The following GRIK1 variants were observed in gnomAD, a reference collection of about 807,000 sequenced individuals.
GRIK1 encodes glutamate receptor ionotropic, kainate 1.
A neutral mutation model predicts 105.7 loss-of-function variants in GRIK1; 69 were observed. The ratio of observed to expected loss-of-function variants is 0.65; its 90% CI spans 0.54 to 0.80. The LOEUF (loss-of-function observed/expected upper bound fraction) is 0.80. GRIK1 is among the 30% of genes least tolerant of loss of function. GRIK1 has a pLI of 0.00. For synonymous variants in GRIK1, 438 were observed against 431.3 expected, an observed-to-expected ratio of 1.02 and a Z score of -0.19; for missense variants, 1,109 against 1,167.3, an observed-to-expected ratio of 0.95 and a Z score of 0.73.
intron 7 of GRIK1, among the ~76,000 whole-genome samples, chr21:29,631,442 C>A (rs956371594): frequency 6.6e-6 from 1 of 152,160 alleles, no homozygotes; most frequent in Non-Finnish European, 1.5e-5. Flanking sequence ...CATCTACAAG[C>A]CAAGAAGAGG....
chr21:29,715,017 G>A (rs929047648), intron 1 of GRIK1, among the ~76,000 whole-genome samples: 1 of 152,206 alleles, frequency 6.6e-6, no homozygotes, highest in Admixed American at 6.5e-5. Context: ...AGGATAAGCA[G>A]TAGTGAATTG....
intron 15 of GRIK1, among the ~76,000 whole-genome samples, chr21:29,560,990 T>A (rs958126025): frequency 6.6e-6 from 1 of 152,146 alleles, no homozygotes; most frequent in African/African-American, 2.4e-5. Context: ...TCTATTCATG[T>A]CTCCTATAGA....
intron 1 of GRIK1, among the ~76,000 whole-genome samples, chr21:29,751,862 C>CG (rs1278946191): frequency 1.3e-5 from 2 of 152,186 alleles, no homozygotes; most frequent in African/African-American, 4.8e-5. Flanking sequence ...ATTCCACTTA[C>CG]GGGGGTTTTC....
chr21:29,895,487 T>A (rs1307116611), intron 1 of GRIK1, among the ~76,000 whole-genome samples: 2 of 152,190 alleles, frequency 1.3e-5, no homozygotes, highest in Non-Finnish European at 2.9e-5. Context: ...AAAGATTTTT[T>A]AATGGTTACA....
intron 1 of GRIK1, among the ~76,000 whole-genome samples, chr21:29,884,738 C>A (rs923907192): frequency 6.6e-6 from 1 of 152,010 alleles, no homozygotes; most frequent in African/African-American, 2.4e-5. Context: ...GACGAGACAA[C>A]GGAGATTTAG....
chr21:29,828,058 G>A (rs940212045), intron 1 of GRIK1, among the ~76,000 whole-genome samples: 3 of 151,290 alleles, frequency 2.0e-5, no homozygotes, highest in African/African-American at 7.3e-5. Context: ...ATGAAACACA[G>A]GGTGTCTCTA....
chr21:29,738,161 C>T (rs7281063), intron 1 of GRIK1, among the ~76,000 whole-genome samples: 3,084 of 152,334 alleles, frequency 0.02, 111 homozygotes, highest in African/African-American at 0.071. Flanking sequence ...TTTGGATGAA[C>T]TGACTTCAGT....
rs189519756 is a variant in GRIK1, at chr21:29,785,357, T to A, written c.119-91294A>T. ...GCGGGTGGTTCACCTGAGGTCAGGA[T>A]TTTTGAGCTAGCCTGGCCAAAGTGG... On this transcript the variant is annotated intron_variant, in intron 1 of 17. Coordinates refer to ENST00000327783, the MANE Select transcript of GRIK1 (RefSeq NM_001330994.2). Among the ~76,000 whole-genome samples, 251 of 152,038 alleles carry A rather than the reference T, an allele frequency of 1.7e-3. 1 individual carries two copies. The highest frequency in any genetic ancestry group is 2.9e-3 in the Non-Finnish European group (200 of 67,962).
intron 1 of GRIK1, among the ~76,000 whole-genome samples, chr21:29,789,048 A>T (rs1191871178): frequency 2.0e-5 from 3 of 152,238 alleles, no homozygotes; most frequent in Non-Finnish European, 4.4e-5. Flanking sequence ...GTTTACTTCA[A>T]ATGAACTGGA....
Position 29,588,831 on chromosome 21 carries a change from T to C in GRIK1, c.1569+8A>G, listed in dbSNP as rs1282783768. Reference sequence around the variant, plus strand: ...ATTTTCAGATATGTTAGAAATATTGTTACTTACGTGATCTATGAGTTCTTT... The same window carrying C: ...ATTTTCAGATATGTTAGAAATATTGCTACTTACGTGATCTATGAGTTCTTT... On this transcript the variant is annotated splice_region_variant and intron_variant, in intron 11 of 17. Transcript: ENST00000327783. 7.0e-7 allele frequency: 1 copy of C among 1,420,366 alleles called. No individual in the cohort carries two copies. Among genetic ancestry groups the C allele is most frequent in the Admixed American group, 1.7e-5 (1 of 58,860 alleles). The allele number at this position is 1,420,366 out of a possible 1,614,324, so 88.0% of individuals were successfully genotyped here.
intron 1 of GRIK1, among the ~76,000 whole-genome samples, chr21:29,729,958 T>G (rs2064571202): frequency 6.6e-6 from 1 of 152,184 alleles, no homozygotes; most frequent in African/African-American, 2.4e-5. Flanking sequence ...CTCCCTGGAT[T>G]GAAAGAAGAA....
intron 1 of GRIK1, among the ~76,000 whole-genome samples, chr21:29,861,365 A>T (rs541950541): frequency 6.6e-6 from 1 of 152,028 alleles, no homozygotes; most frequent in South Asian, 2.1e-4. Flanking sequence ...GGAGTGCAGC[A>T]GTGCAGTCTC....
At chr21:29,615,186 A>G (rs1260611593) in intron 7 of GRIK1, among the ~76,000 whole-genome samples, 4 of 151,680 alleles carry the variant, frequency 2.6e-5, no homozygotes, top group Non-Finnish European at 1.5e-5. Context: ...ATTATAACCC[A>G]CATCATAGCA....
At chr21:29,809,933 CACA>C (rs2066966359) in intron 1 of GRIK1, among the ~76,000 whole-genome samples, 1 of 152,144 alleles carries the variant, frequency 6.6e-6, no homozygotes, top group Non-Finnish European at 1.5e-5. Flanking sequence ...TCAGACCACA[CACA>C]ACATTTATCA....
Position 29,673,043 on chromosome 21 carries a change from G to T in GRIK1, c.666C>A (p.Gly222=), listed in dbSNP as rs758191280. The T allele has an allele frequency of 4.3e-5, 70 of 1,613,154 alleles. No homozygotes were observed. The highest frequency in any genetic ancestry group is 5.6e-5 in the Non-Finnish European group (66 of 1,179,314). The change falls in exon 4 of 18, where the codon GGC becomes GGA. Residue 222 remains glycine (G), a synonymous_variant. Transcript: ENST00000327783. ...AATCAAATATCACATAGAACTCCTT[G>T]CCTTTCTTCATCTCCTTGAGTAAAG... ...AKPLLKEMKK[G]KEFYVIFDCS...
At chr21:29,820,381 G>A (rs1338379579) in intron 1 of GRIK1, among the ~76,000 whole-genome samples, 2 of 152,036 alleles carry the variant, frequency 1.3e-5, no homozygotes, top group Non-Finnish European at 2.9e-5. Context: ...AGCATTTGAT[G>A]TACTATTCTT....
intron 1 of GRIK1, among the ~76,000 whole-genome samples, chr21:29,848,568 T>C (rs2068200507): frequency 6.6e-6 from 1 of 151,994 alleles, no homozygotes; most frequent in African/African-American, 2.4e-5. Context: ...CAAAATCTTA[T>C]TCATCCTTCT....
intron 3 of GRIK1, among the ~76,000 whole-genome samples, chr21:29,686,415 A>G (rs1255727725): frequency 6.6e-6 from 1 of 152,200 alleles, no homozygotes; most frequent in Non-Finnish European, 1.5e-5. Context: ...GCCAGTGAGG[A>G]GGAAAGAAGG....
At chr21:29,809,813 A>G (rs961217345) in intron 1 of GRIK1, among the ~76,000 whole-genome samples, 2 of 152,188 alleles carry the variant, frequency 1.3e-5, no homozygotes, top group African/African-American at 2.4e-5. Flanking sequence ...TTAAACACCT[A>G]GAGGCCATTG....
Sources: allele counts gnomAD v4.1 joint callset (sites outside exome capture counted in the v4.1 genomes callset), GRCh38; gene constraint gnomAD v4.1.1; transcripts MANE v1.5; gene names NCBI Gene and HGNC (gene_info 2026-07-23, HGNC 2026-07-21).